SLC17A8: variants seen among roughly 807,000 people sequenced by gnomAD.
The protein encoded by SLC17A8 is solute carrier family 17 member 8.
Under a neutral mutation model 58.0 loss-of-function variants are expected in SLC17A8, and 31 were observed. That is an observed-to-expected ratio of 0.53 (90% CI 0.40 to 0.72). The LOEUF (loss-of-function observed/expected upper bound fraction) is 0.72. Among genes scored for constraint, SLC17A8 ranks in the 30% least tolerant of loss-of-function variants. SLC17A8 has a pLI of 0.00. For missense variants in SLC17A8, 655 were observed against 727.8 expected, an observed-to-expected ratio of 0.90 and a Z score of 1.15; for synonymous variants, 228 against 249.0, an observed-to-expected ratio of 0.92 and a Z score of 0.79.
rs1384734702 is a variant in SLC17A8 at position 100,402,442 on chromosome 12, C to A, written c.866C>A (p.Thr289Lys). 2 of 1,613,912 alleles carry A rather than the reference C, an allele frequency of 1.2e-6. No homozygotes were observed. Among genetic ancestry groups the A allele is most frequent in the Middle Eastern group, 1.6e-4 (1 of 6,082 alleles). ...ISNEEKTYIE[T>K]SIGEGANVVS... ...AATGAGGAGAAGACCTATATAGAGA[C>A]AAGCATAGGAGAGGGGGCCAACGTG... Residue 289 changes from threonine (T) to lysine (K), a missense_variant, in exon 7 of 12, where the codon ACA (threonine) becomes AAA (lysine). Thr to Lys is a moderately conservative substitution (Grantham distance 78). Transcript: ENST00000323346.
At chr12:100,407,833 C>G (rs1848832623) in intron 9 of SLC17A8, among the ~76,000 whole-genome samples, 1 of 152,014 alleles carries the variant, frequency 6.6e-6, no homozygotes, top group Admixed American at 6.6e-5. Context: ...GTCTCGATCT[C>G]CTGACCTTGT....
intron 1 of SLC17A8, among the ~76,000 whole-genome samples, chr12:100,364,514 G>A (rs1484676824): frequency 6.6e-6 from 1 of 152,214 alleles, no homozygotes; most frequent in African/African-American, 2.4e-5. Context: ...TGGTTACTCT[G>A]TTCATAAGTG....
At chr12:100,401,997 TATCTA>T in intron 6 of SLC17A8, 134 bp downstream of exon 6, 1 of 761,728 alleles carries the variant, frequency 1.3e-6, no homozygotes, top group South Asian at 1.5e-5. Context: ...TGGAATACTT[TATCTA>T]TGATTTGATT....
At chr12:100,380,089 C>T (rs1357601737) in intron 1 of SLC17A8, among the ~76,000 whole-genome samples, 1 of 151,306 alleles carries the variant, frequency 6.6e-6, no homozygotes, top group Non-Finnish European at 1.5e-5. Context: ...ATCCCAGCTA[C>T]TCAGGAGGCT....
chr12:100,417,902 C>A, intron 10 of SLC17A8, 127 bp from the exon 11 acceptor site: 1 of 1,166,846 alleles, frequency 8.6e-7, no homozygotes, highest in Non-Finnish European at 1.3e-6. Flanking sequence ...TCCTCTTGGT[C>A]TGGAAACTAG....
Position 100,419,956 on chromosome 12 carries a change from A to G in SLC17A8, c.1567A>G (p.Ile523Val), listed in dbSNP as rs145220492. 2.0e-5 allele frequency: 32 copies of G among 1,614,054 alleles called. No individual in the cohort carries two copies. Among genetic ancestry groups the G allele is most frequent in the Non-Finnish European group, 2.4e-5 (28 of 1,180,050 alleles). Residue 523 changes from isoleucine (I) to valine (V), a missense_variant, in exon 12 of 12, where the codon ATT becomes GTT. Ile to Val is a conservative substitution (Grantham distance 29). Transcript: ENST00000323346. The stretch of plus-strand genomic sequence containing the variant: ...TCTCTCTGAGGAGAAATGTGGAATC[A>G]TTGACCAGGACGAATTAGCTGAGGA... Reference protein sequence around the residue: ...ENLSEEKCGIIDQDELAEEIE... With the variant: ...ENLSEEKCGIVDQDELAEEIE...
intron 1 of SLC17A8, among the ~76,000 whole-genome samples, chr12:100,364,619 T>C (rs1448791721): frequency 2.0e-5 from 3 of 152,170 alleles, no homozygotes; most frequent in African/African-American, 7.2e-5. Context: ...CTCTTCCAAG[T>C]GGCATGTGAT....
Position 100,402,306 on chromosome 12 carries a change from C to T in SLC17A8, c.764-34C>T, listed in dbSNP as rs1400425262. ...AATTTAGAAACGGAAGAAAATGAGA[C>T]CATATAACCCAGCCTTTTCTTTTTT... On this transcript the variant is annotated intron_variant, in intron 6 of 11. Coordinates refer to ENST00000323346, the MANE Select transcript of SLC17A8 (RefSeq NM_139319.3). 3.1e-6 allele frequency: 5 copies of T among 1,612,608 alleles called. 1 individual carries two copies. The African/African-American group carries it at 6.7e-5, about 22-fold the overall frequency.
chr12:100,406,748 C>G (rs1438936971), intron 9 of SLC17A8, among the ~76,000 whole-genome samples: 1 of 152,072 alleles, frequency 6.6e-6, no homozygotes, highest in East Asian at 1.9e-4. Flanking sequence ...ATTGGCCAGG[C>G]TGGTCTCAAA....
chr12:100,403,581 G>C (rs1952806736), intron 8 of SLC17A8, among the ~76,000 whole-genome samples: 1 of 152,174 alleles, frequency 6.6e-6, no homozygotes, highest in African/African-American at 2.4e-5. Context: ...GGTGTGGATA[G>C]TGAATCATCA....
At chr12:100,401,751 A>G in intron 5 of SLC17A8, 26 bp from the exon 6 acceptor site, 1 of 1,556,476 alleles carries the variant, frequency 6.4e-7, no homozygotes, top group Non-Finnish European at 8.9e-7. Context: ...GATTGGTCAG[A>G]TTCCCTCAAT....
intron 1 of SLC17A8, among the ~76,000 whole-genome samples, chr12:100,380,257 G>T (rs577439973): frequency 6.6e-6 from 1 of 151,214 alleles, no homozygotes; most frequent in Admixed American, 6.6e-5. Flanking sequence ...TATCAGCTGG[G>T]TCGAGCAATG....
rs372482024 is a variant in SLC17A8 at position 100,421,998 on chromosome 12, A to G, written c.*1839A>G. On this transcript the variant is annotated 3_prime_UTR_variant, in exon 12 of 12. Coordinates refer to ENST00000323346, the MANE Select transcript of SLC17A8 (RefSeq NM_139319.3). ...TGTCATTTTTATCCATTATCCCTGG[A>G]ACTTATTGTGAAAGTTGTGCTGTTT... The G allele has an allele frequency of 9.2e-5, 14 of 152,274 alleles. No homozygotes were observed. The East Asian group carries it at 9.6e-4, about 10-fold the overall frequency. 9.4% of individuals were successfully genotyped at this position (152,274 alleles called of 1,614,324 possible).
intron 1 of SLC17A8, among the ~76,000 whole-genome samples, chr12:100,367,818 G>A (rs1275380242): frequency 6.6e-6 from 1 of 152,196 alleles, no homozygotes; most frequent in African/African-American, 2.4e-5. Context: ...CTGCCAAATT[G>A]CTGGGATTAC....
At chr12:100,371,879 A>G (rs1478749163) in intron 1 of SLC17A8, among the ~76,000 whole-genome samples, 1 of 152,150 alleles carries the variant, frequency 6.6e-6, no homozygotes, top group Non-Finnish European at 1.5e-5. Context: ...TGAGTGTCTC[A>G]GTCTTCTGAG....
intron 2 of SLC17A8, 141 bp from the exon 3 acceptor site, chr12:100,390,860 T>C (rs762157859): frequency 8.5e-6 from 6 of 704,986 alleles, no homozygotes; most frequent in Non-Finnish European, 1.6e-5. Context: ...CCCAAGTATG[T>C]AAGATGCCCT....
intron 10 of SLC17A8, 67 bp from the exon 11 acceptor site, chr12:100,417,958 CTGAG>C: frequency 6.3e-7 from 1 of 1,598,346 alleles, no homozygotes; most frequent in Non-Finnish European, 8.6e-7. Context: ...GCTGGGGCAA[CTGAG>C]TATTTTCCAA....
chr12:100,357,603 G>A, intron 1 of SLC17A8, 111 bp downstream of exon 1: 1 of 761,032 alleles, frequency 1.3e-6, no homozygotes, highest in South Asian at 1.4e-5. Context: ...GAGAGGATGG[G>A]TCAGATTAGA....
In SLC17A8 at chr12:100,412,638, A is replaced by T. The variant is rs1175078053; in HGVS notation, c.1187-132A>T. 4 of 683,972 alleles carry T rather than the reference A, an allele frequency of 5.8e-6. No homozygotes were observed. In the African/African-American group the frequency reaches 7.3e-5, roughly 13 times the overall value. 42.4% of individuals were successfully genotyped at this position (683,972 alleles called of 1,614,324 possible). ...TTAAATTCCAGAACTTAAAGTAAAA[A>T]AAAAACATAGACACAAACAAAATAA... is the stretch of plus-strand genomic sequence containing the variant. On this transcript the variant is annotated intron_variant, in intron 9 of 11. Coordinates refer to ENST00000323346, the MANE Select transcript of SLC17A8 (RefSeq NM_139319.3).
Sources: gnomAD v4.1 joint callset for allele counts (sites outside exome capture counted in the v4.1 genomes callset) on GRCh38, gnomAD v4.1.1 for gene constraint, MANE v1.5 for transcripts, NCBI Gene and HGNC (gene_info 2026-07-23, HGNC 2026-07-21) for gene names.